Variants in CCDC158 observed in about 807,000 individuals in gnomAD.
The protein encoded by CCDC158 is coiled-coil domain containing 158.
In CCDC158, 116 loss-of-function variants were observed where a neutral mutation model predicts 138.6. The ratio of observed to expected loss-of-function variants is 0.84; its 90% CI spans 0.72 to 0.98. The LOEUF (loss-of-function observed/expected upper bound fraction) is 0.98. Ranked by LOEUF, CCDC158 falls within the 50% of genes least tolerant of loss-of-function variation. The pLI is 0.00. For missense variants in CCDC158, 1,265 were observed against 1,306.1 expected, an observed-to-expected ratio of 0.97 and a Z score of 0.48; for synonymous variants, 436 against 442.4, an observed-to-expected ratio of 0.99 and a Z score of 0.18.
At position 76,344,459 on chromosome 4, in the gene CCDC158, T is replaced by A. The variant is rs543640391; in HGVS notation, c.2664+6537A>T. The A allele has an allele frequency of 5.9e-4, 392 of 667,140 alleles. 3 individuals are homozygous for A. In the South Asian group the frequency reaches 6.3e-3, roughly 11 times the overall value. 41.3% of individuals were successfully genotyped at this position (667,140 alleles called of 1,614,324 possible). A position where few individuals can be genotyped will look rare whatever the true frequency, so the allele number is the denominator to read the frequency against. On this transcript the variant is annotated intron_variant, in intron 18 of 24. Coordinates refer to ENST00000682701, the MANE Select transcript of CCDC158 (RefSeq NM_001394954.1). ...AAGTGAAGTTTGGACCAAAAATGAG[T>A]TTATGAAGACTGGTGGGCAGGAGCT... is the stretch of plus-strand genomic sequence containing the variant.
chr4:76,415,303 C>A (rs940846910), intron 1 of CCDC158, among the ~76,000 whole-genome samples: 3 of 151,946 alleles, frequency 2.0e-5, no homozygotes, highest in Non-Finnish European at 2.9e-5. Flanking sequence ...GAGAGGTGAC[C>A]CGGGTACTGT....
intron 1 of CCDC158, among the ~76,000 whole-genome samples, chr4:76,416,198 G>A (rs2109928144): frequency 6.6e-6 from 1 of 152,236 alleles, no homozygotes; most frequent in South Asian, 2.1e-4. Flanking sequence ...CCTGTCCAGT[G>A]GACATGGGAC....
At chr4:76,357,969 ATAC>A (rs1043658353) in intron 13 of CCDC158, among the ~76,000 whole-genome samples, 21 of 147,470 alleles carry the variant, frequency 1.4e-4, no homozygotes, top group African/African-American at 5.3e-4. Context: ...ATCATTTGAT[ATAC>A]TACAATACAC....
chr4:76,338,696 C>T (rs1721772494), intron 18 of CCDC158, among the ~76,000 whole-genome samples: 1 of 152,132 alleles, frequency 6.6e-6, no homozygotes, highest in Non-Finnish European at 1.5e-5. Flanking sequence ...TACAGCTGCA[C>T]CTGGTGGCAG....
intron 12 of CCDC158, among the ~76,000 whole-genome samples, chr4:76,364,284 A>G (rs1281246585): frequency 6.6e-6 from 1 of 152,140 alleles, no homozygotes; most frequent in East Asian, 1.9e-4. Context: ...ATCACTTTGC[A>G]TATGGATTGC....
chr4:76,421,274 C>G (rs191166812), upstream of CCDC158, among the ~76,000 whole-genome samples: 1,329 of 152,128 alleles, frequency 8.7e-3, 16 homozygotes, highest in African/African-American at 0.03. Flanking sequence ...TGCTCGGCAG[C>G]TGCCCGGCGG....
At chr4:76,345,859 T>C (rs1474255365) in intron 18 of CCDC158, among the ~76,000 whole-genome samples, 3 of 152,262 alleles carry the variant, frequency 2.0e-5, no homozygotes, top group South Asian at 4.1e-4. Flanking sequence ...CAAGCTACCA[T>C]TGACTTTCTT....
At position 76,381,121 on chromosome 4, in the gene CCDC158, T is replaced by G. The variant is rs937465467; in HGVS notation, c.914+1489A>C. On this transcript the variant is annotated intron_variant, in intron 8 of 24. Transcript: ENST00000682701. ...TCATGGGGAACCTCTACTAGGGTAA[T>G]GTGGAGGGGAAATGTGGGGTTGGAA... 3.9e-5 allele frequency among the ~76,000 whole-genome samples: 6 copies of G among 152,292 alleles called. 1 individual carries two copies. In the East Asian group the frequency reaches 1.2e-3, roughly 29 times the overall value.
At chr4:76,414,307 T>C (rs1407117676) in intron 1 of CCDC158, 4 of 152,230 alleles carry the variant, frequency 2.6e-5, no homozygotes, top group African/African-American at 4.8e-5. Flanking sequence ...ACCTTCTTTC[T>C]TGGGTGTTTC....
chr4:76,391,881 T>C (rs1351799679), intron 4 of CCDC158, among the ~76,000 whole-genome samples: 7 of 152,090 alleles, frequency 4.6e-5, no homozygotes, highest in African/African-American at 1.4e-4. Context: ...GTGGCTACTA[T>C]GAGTGATTAC....
chr4:76,395,950 A>G (rs868115008), intron 4 of CCDC158, among the ~76,000 whole-genome samples: 3 of 152,216 alleles, frequency 2.0e-5, no homozygotes, highest in Non-Finnish European at 2.9e-5. Context: ...CAGCAGGTCT[A>G]TGCCAATTAT....
intron 4 of CCDC158, among the ~76,000 whole-genome samples, chr4:76,391,528 C>A (rs1727306983): frequency 6.6e-6 from 1 of 151,594 alleles, no homozygotes; most frequent in Admixed American, 6.6e-5. Flanking sequence ...ACAGTGAAAG[C>A]AGTACAAAGA....
chr4:76,325,385 T>A (rs1027832036), intron 23 of CCDC158, among the ~76,000 whole-genome samples: 1 of 152,212 alleles, frequency 6.6e-6, no homozygotes, highest in Non-Finnish European at 1.5e-5. Context: ...TACCAGGCAT[T>A]TATTCTAAAT....
chr4:76,331,392 G>A lies in CCDC158; in HGVS notation c.2894C>T (p.Ser965Leu), dbSNP rs771522809. ...RSDMCHRSNN[S>L]LRDSTEGSKS... ...GCTTCCTTCAGTGGAGTCCCTCAAC[G>A]AGTTGTTGCTTCTGTTGGTAGAGGG... is the stretch of plus-strand genomic sequence containing the variant. Residue 965 changes from serine to leucine, a missense_variant, in exon 21 of 25, where the codon TCG becomes TTG. By Grantham distance (145) the Ser-to-Leu change is moderately radical (BLOSUM62 -2). Coordinates refer to ENST00000682701, the MANE Select transcript of CCDC158 (RefSeq NM_001394954.1). 3.7e-6 allele frequency: 6 copies of A among 1,613,640 alleles called. No homozygotes were observed. The highest frequency in any genetic ancestry group is 1.6e-4 in the Middle Eastern group (1 of 6,080).
intron 14 of CCDC158, 35 bp downstream of exon 14, chr4:76,357,339 A>G: frequency 7.0e-7 from 1 of 1,437,578 alleles, no homozygotes; most frequent in Non-Finnish European, 9.2e-7. Flanking sequence ...TAAATTAAAA[A>G]CAGAAGAAAA....
intron 8 of CCDC158, among the ~76,000 whole-genome samples, chr4:76,380,552 C>T (rs1396219356): frequency 2.0e-5 from 3 of 152,088 alleles, no homozygotes; most frequent in African/African-American, 7.2e-5. Context: ...AGCATACAGT[C>T]ATATATATTT....
At chr4:76,418,634 T>C (rs1468074045) in intron 1 of CCDC158, among the ~76,000 whole-genome samples, 1 of 152,076 alleles carries the variant, frequency 6.6e-6, no homozygotes, top group Non-Finnish European at 1.5e-5. Context: ...AGAGAGAGCT[T>C]GTGCAGGGGG....
At chr4:76,340,576 G>A (rs1011667622) in intron 18 of CCDC158, among the ~76,000 whole-genome samples, 1 of 152,224 alleles carries the variant, frequency 6.6e-6, no homozygotes, top group African/African-American at 2.4e-5. Flanking sequence ...TCCTATCTTT[G>A]TGAAGCAGTG....
rs1030945151 is a variant in CCDC158 at position 76,421,108 on chromosome 4, C to A, written c.-260G>T. ...CCTAGGCCCCGCGGAGGCTGCGGGGCGGCTCCTCCTCCTCGGCTGCGGCGC... is the reference window on the plus strand; with the variant it reads ...CCTAGGCCCCGCGGAGGCTGCGGGGAGGCTCCTCCTCCTCGGCTGCGGCGC... On this transcript the variant is annotated 5_prime_UTR_variant, in exon 1 of 25. Coordinates refer to ENST00000682701, the MANE Select transcript of CCDC158 (RefSeq NM_001394954.1). Among the ~76,000 whole-genome samples the A allele has an allele frequency of 1.3e-5, 2 of 152,000 alleles. No individual in the cohort carries two copies. Among genetic ancestry groups the A allele is most frequent in the African/African-American group, 4.8e-5 (2 of 41,416 alleles).
Sources: gnomAD v4.1 joint callset for allele counts (sites outside exome capture counted in the v4.1 genomes callset) on GRCh38, gnomAD v4.1.1 for gene constraint, MANE v1.5 for transcripts, NCBI Gene and HGNC (gene_info 2026-07-23, HGNC 2026-07-21) for gene names.